LDLRAD4: variants seen among roughly 807,000 people sequenced by gnomAD.
The protein encoded by LDLRAD4 is low-density lipoprotein receptor class A domain-containing protein 4.
Under a neutral mutation model 17.0 loss-of-function variants are expected in LDLRAD4, and 5 were observed. The ratio of observed to expected loss-of-function variants is 0.29; its 90% CI spans 0.15 to 0.62. LDLRAD4 has a LOEUF of 0.62. Ranked by LOEUF, LDLRAD4 falls within the 20% of genes least tolerant of loss-of-function variation. LDLRAD4 has a pLI of 0.84. For missense variants in LDLRAD4, 340 were observed against 424.7 expected (o/e 0.80, Z 1.75); for synonymous variants, 168 against 171.8 (o/e 0.98, Z 0.17).
intron 1 of LDLRAD4, among the ~76,000 whole-genome samples, chr18:13,246,664 TCCCCTG>T (rs1209458292): frequency 1.3e-5 from 2 of 152,194 alleles, no homozygotes; most frequent in African/African-American, 4.8e-5. Context: ...GGGCTTAGAA[TCCCCTG>T]TTTTGTCAGT....
chr18:13,597,898 TTC>T (rs1490744781), intron 3 of LDLRAD4, among the ~76,000 whole-genome samples: 6 of 152,260 alleles, frequency 3.9e-5, no homozygotes, highest in Non-Finnish European at 7.3e-5. Flanking sequence ...TTTATTGATA[TTC>T]TCTGTTTGAT....
At chr18:13,325,630 C>G (rs543750667) in intron 1 of LDLRAD4, among the ~76,000 whole-genome samples, 1 of 152,360 alleles carries the variant, frequency 6.6e-6, no homozygotes, top group African/African-American at 2.4e-5. Flanking sequence ...ACGCTGAAGG[C>G]CCTTTCCAGG....
rs573403804 is a variant in LDLRAD4, at chr18:13,581,887, G to A, written c.182-39230G>A. Among the ~76,000 whole-genome samples the A allele has an allele frequency of 1.2e-4, 18 of 152,264 alleles. No homozygotes were observed. In the South Asian group the frequency reaches 3.3e-3, roughly 28 times the overall value. ...CAGAGCTATGCACACACGTATGTGT[G>A]TGCATGTATGTTCATGTGTGCATGT... On this transcript the variant is annotated intron_variant, in intron 3 of 5. Coordinates refer to ENST00000359446, the Ensembl canonical transcript of LDLRAD4.
chr18:13,642,502 T>C (rs2042663757), intron 4 of LDLRAD4: 1 of 1,223,606 alleles, frequency 8.2e-7, no homozygotes, highest in Non-Finnish European at 1.0e-6. Context: ...AAAAGGATGC[T>C]AACTCACCAG....
Position 13,322,009 on chromosome 18 carries a change from A to T in LDLRAD4, c.-383+43821A>T, listed in dbSNP as rs191843977. On this transcript the variant is annotated intron_variant, in intron 1 of 5. Coordinates refer to ENST00000359446, the Ensembl canonical transcript of LDLRAD4. ...TTATATTTAGAATTTTTTTTTTACA[A>T]AAAACTAGCAATGCTTGTTCTTTTT... is the stretch of plus-strand genomic sequence containing the variant. Among the ~76,000 whole-genome samples, 18 of 151,518 alleles carry T rather than the reference A, an allele frequency of 1.2e-4. No homozygotes were observed. The South Asian group carries it at 2.1e-3, about 17-fold the overall frequency.
At chr18:13,226,931 G>A (rs1040371092) in intron 1 of LDLRAD4, among the ~76,000 whole-genome samples, 4 of 152,092 alleles carry the variant, frequency 2.6e-5, no homozygotes, top group Non-Finnish European at 1.5e-5. Flanking sequence ...GGGCCAGGAG[G>A]GGGTGGAGTC....
In LDLRAD4 at chr18:13,446,261, G is replaced by A. The variant is rs200814333; in HGVS notation, c.181+7877G>A. On this transcript the variant is annotated intron_variant, in intron 3 of 5. Coordinates refer to ENST00000359446, the Ensembl canonical transcript of LDLRAD4. ...CACAGCCAAGGCGTGCCGCTGCTGG[G>A]GTGTTGAACTCAGGCCATGGTTTTG... Among the ~76,000 whole-genome samples the A allele has an allele frequency of 1.6e-4, 24 of 152,268 alleles. No homozygotes were observed. The East Asian group carries it at 4.4e-3, about 28-fold the overall frequency.
At chr18:13,267,904 A>G (rs929608397) in intron 1 of LDLRAD4, among the ~76,000 whole-genome samples, 3 of 152,100 alleles carry the variant, frequency 2.0e-5, no homozygotes, top group African/African-American at 7.2e-5. Flanking sequence ...CTTTTAAAAC[A>G]ATTTTTTAGA....
chr18:13,391,038 C>T (rs1218459741), intron 2 of LDLRAD4, among the ~76,000 whole-genome samples: 1 of 152,194 alleles, frequency 6.6e-6, no homozygotes, highest in Non-Finnish European at 1.5e-5. Context: ...GCTCAGGAGT[C>T]CGGTGCCCAG....
At chr18:13,563,929 TC>T (rs1362248832) in intron 3 of LDLRAD4, among the ~76,000 whole-genome samples, 1 of 7,264 alleles carries the variant, frequency 1.4e-4, no homozygotes, top group East Asian at 0.071. Context: ...TAAGAGAGTC[TC>T]TCTCTCTCTC....
chr18:13,239,621 C>G (rs775097956), intron 1 of LDLRAD4: 2 of 152,288 alleles, frequency 1.3e-5, no homozygotes, highest in African/African-American at 4.8e-5. Flanking sequence ...GCTGGAGAGA[C>G]CTTCAGTAGG....
At chr18:13,612,651 T>C (rs2039694587) in intron 3 of LDLRAD4, 2 of 1,613,096 alleles carry the variant, frequency 1.2e-6, no homozygotes, top group Admixed American at 1.7e-5. Flanking sequence ...AGGGATGCTT[T>C]GAACGTGGGG....
At chr18:13,402,657 G>A (rs2087336449) in intron 2 of LDLRAD4, among the ~76,000 whole-genome samples, 2 of 152,170 alleles carry the variant, frequency 1.3e-5, no homozygotes, top group East Asian at 3.8e-4. Context: ...GGTCAGTGCT[G>A]CTTCTATAGA....
chr18:13,239,433 A>G (rs866619566), intron 1 of LDLRAD4: 6 of 152,348 alleles, frequency 3.9e-5, no homozygotes, highest in South Asian at 4.1e-4. Context: ...GAGGATTTCA[A>G]TAGCTCCTAA....
At chr18:13,537,347 A>ACAAGT (rs2094214340) in intron 3 of LDLRAD4, among the ~76,000 whole-genome samples, 1 of 152,200 alleles carries the variant, frequency 6.6e-6, no homozygotes, top group East Asian at 1.9e-4. Flanking sequence ...TTCATGGAAG[A>ACAAGT]CAAGTTTTTC....
rs923052268 is a variant in LDLRAD4 at position 13,440,336 on chromosome 18, G to A, written c.181+1952G>A. 3.9e-5 allele frequency among the ~76,000 whole-genome samples: 6 copies of A among 151,910 alleles called. No individual in the cohort carries two copies. Among genetic ancestry groups the A allele is most frequent in the South Asian group, 2.1e-4 (1 of 4,798 alleles). ...GGTTTTTGAGGCCTATCTCCAGATC[G>A]CTTTTCCACTCATTTTTTAAAATGC... On this transcript the variant is annotated intron_variant, in intron 3 of 5. Transcript: ENST00000359446. This position sits in a 1 kb window ranked among gnomAD's most constrained non-coding sequence, Gnocchi z 4.4.
intron 3 of LDLRAD4, among the ~76,000 whole-genome samples, chr18:13,561,118 G>A (rs186391498): frequency 2.0e-4 from 29 of 144,374 alleles, no homozygotes; most frequent in Non-Finnish European, 3.5e-4. Context: ...AGATCTTACT[G>A]TCTCAGGGAA....
At position 13,572,707 on chromosome 18, in the gene LDLRAD4, T is replaced by C. The variant is rs146245336; in HGVS notation, c.182-48410T>C. Among the ~76,000 whole-genome samples, 478 of 152,348 alleles carry C rather than the reference T, an allele frequency of 3.1e-3. 1 individual carries two copies. The highest frequency in any genetic ancestry group is 0.011 in the African/African-American group (463 of 41,566). The stretch of plus-strand genomic sequence containing the variant: ...CAGAGATCACCATTTTTTAGTTAAA[T>C]TGGGGCTTCCGAATTCTAGCAACCA... On this transcript the variant is annotated intron_variant, in intron 3 of 5. Transcript: ENST00000359446.
chr18:13,643,723 A>G (rs193288367), intron 5 of LDLRAD4, among the ~76,000 whole-genome samples: 2 of 152,366 alleles, frequency 1.3e-5, no homozygotes, highest in East Asian at 1.9e-4. Context: ...ATATCATAGC[A>G]TGATTCATTC....
Sources: gnomAD v4.1 joint callset for allele counts (sites outside exome capture counted in the v4.1 genomes callset) on GRCh38, gnomAD v4.1.1 for gene constraint, Gnocchi (gnomAD v3.1) non-coding constraint, MANE v1.5 for transcripts, NCBI Gene and HGNC (gene_info 2026-07-23, HGNC 2026-07-21) for gene names.